PDGFD: variants seen among roughly 807,000 people sequenced by gnomAD.
PDGFD encodes the protein platelet derived growth factor D, also known as platelet-derived growth factor D.
A neutral mutation model predicts 44.7 loss-of-function variants in PDGFD; 30 were observed. The observed-to-expected ratio is 0.67, with a 90% confidence interval of 0.50 to 0.91. The LOEUF is 0.91. Ranked by LOEUF, PDGFD falls within the 40% of genes least tolerant of loss-of-function variation. The probability of loss-of-function intolerance (pLI) is 0.00; values close to 1 mark genes in which losing one functional copy is unlikely to be tolerated. For synonymous variants in PDGFD, 173 were observed against 168.4 expected (o/e 1.03, Z -0.21); for missense variants, 445 against 457.8 (o/e 0.97, Z 0.25).
chr11:103,960,611 A>C (rs1858920872), intron 3 of PDGFD, among the ~76,000 whole-genome samples: 2 of 152,030 alleles, frequency 1.3e-5, no homozygotes, highest in Non-Finnish European at 2.9e-5. Context: ...CTAATGTCCT[A>C]CTCTTGTCAT....
intron 5 of PDGFD, among the ~76,000 whole-genome samples, chr11:103,932,137 T>C: frequency 6.6e-6 from 1 of 152,188 alleles, no homozygotes; most frequent in Non-Finnish European, 1.5e-5. Context: ...TCATAGACCT[T>C]GTTTTGTTTT....
chr11:103,968,831 C>T (rs12282189), intron 3 of PDGFD, among the ~76,000 whole-genome samples: 26,890 of 152,160 alleles, frequency 0.18, 2,472 homozygotes, highest in South Asian at 0.26. Context: ...CACGTAAAAC[C>T]CTCATGATCT....
At chr11:103,943,725 G>A (rs78383143) in intron 4 of PDGFD, 75 bp from the exon 5 acceptor site, 65,173 of 1,264,732 alleles carry the variant, frequency 0.052, 1,973 homozygotes, top group Middle Eastern at 0.059. Flanking sequence ...TCAACTATAC[G>A]GAAGGAACAT....
At chr11:103,959,498 C>A (rs967026604) in intron 3 of PDGFD, among the ~76,000 whole-genome samples, 2 of 152,102 alleles carry the variant, frequency 1.3e-5, no homozygotes, top group Non-Finnish European at 1.5e-5. Context: ...AGGGGAGATT[C>A]GTATATTCTT....
chr11:103,959,251 T>C (rs1858900901), intron 3 of PDGFD, among the ~76,000 whole-genome samples: 1 of 152,210 alleles, frequency 6.6e-6, no homozygotes, highest in African/African-American at 2.4e-5. Context: ...CTGCCACCCA[T>C]CATAATTATC....
intron 5 of PDGFD, among the ~76,000 whole-genome samples, chr11:103,937,167 T>A (rs915512922): frequency 6.6e-6 from 1 of 152,206 alleles, no homozygotes; most frequent in Non-Finnish European, 1.5e-5. Context: ...AATTTTAGCA[T>A]GTGTATCTAA....
At chr11:104,142,940 G>A (rs1276838483) in intron 1 of PDGFD, among the ~76,000 whole-genome samples, 1 of 152,144 alleles carries the variant, frequency 6.6e-6, no homozygotes, top group African/African-American at 2.4e-5. Context: ...TACAGGGAAT[G>A]CTCCAGGGAA....
chr11:104,058,710 C>T (rs939072991), intron 1 of PDGFD, among the ~76,000 whole-genome samples: 1 of 152,152 alleles, frequency 6.6e-6, no homozygotes, highest in Non-Finnish European at 1.5e-5. Context: ...TCCGTAATAA[C>T]TAAAAACCAG....
chr11:104,140,243 A>C (rs898832518), intron 1 of PDGFD, among the ~76,000 whole-genome samples: 22 of 152,204 alleles, frequency 1.4e-4, no homozygotes, highest in Non-Finnish European at 2.9e-5. Flanking sequence ...CATTTTGTTG[A>C]TCAGTCATTA....
At chr11:103,947,875 T>C (rs1858687944) in intron 3 of PDGFD, 151 bp from the exon 4 acceptor site, 1 of 662,068 alleles carries the variant, frequency 1.5e-6, no homozygotes, top group Non-Finnish European at 2.8e-6. Flanking sequence ...ACCATTTGTC[T>C]TAAGCACATC....
At chr11:104,049,411 G>C (rs1860491778) in intron 1 of PDGFD, among the ~76,000 whole-genome samples, 3 of 152,234 alleles carry the variant, frequency 2.0e-5, no homozygotes, top group Admixed American at 6.5e-5. Flanking sequence ...GTGGCTGAAA[G>C]AGTAATCTAG....
chr11:103,938,022 T>C (rs558857510), intron 5 of PDGFD, among the ~76,000 whole-genome samples: 4 of 147,984 alleles, frequency 2.7e-5, no homozygotes, highest in Admixed American at 2.7e-4. Context: ...ATACATGTGC[T>C]TGTGTCTTTA....
chr11:103,957,275 A>C (rs184362920), intron 3 of PDGFD, among the ~76,000 whole-genome samples: 34 of 152,336 alleles, frequency 2.2e-4, no homozygotes, highest in Admixed American at 9.8e-4. Flanking sequence ...CAATATCGTG[A>C]AAATGGCCAT....
chr11:104,062,500 G>GT (rs946215808), intron 1 of PDGFD, among the ~76,000 whole-genome samples: 9 of 152,240 alleles, frequency 5.9e-5, no homozygotes, highest in East Asian at 1.9e-4. Context: ...TGAATTACAA[G>GT]TTTTTTTGTT....
chr11:104,011,757 T>A (rs1859790196), intron 1 of PDGFD, among the ~76,000 whole-genome samples: 1 of 152,080 alleles, frequency 6.6e-6, no homozygotes, highest in African/African-American at 2.4e-5. Context: ...AGTATCAAAA[T>A]TTTAAAAGTG....
chr11:104,112,823 A>G (rs751766666), intron 1 of PDGFD, among the ~76,000 whole-genome samples: 2 of 152,098 alleles, frequency 1.3e-5, no homozygotes, highest in South Asian at 2.1e-4. Flanking sequence ...CTAAATGATG[A>G]GAATACATGG....
intron 1 of PDGFD, among the ~76,000 whole-genome samples, chr11:104,087,113 C>T (rs1861141827): frequency 6.9e-6 from 1 of 145,818 alleles, no homozygotes; most frequent in Admixed American, 7.3e-5. Context: ...GCAACCTCTG[C>T]CTCCCAGGTT....
intron 6 of PDGFD, among the ~76,000 whole-genome samples, chr11:103,915,762 A>G (rs556682061): frequency 6.6e-6 from 1 of 152,344 alleles, no homozygotes; most frequent in South Asian, 2.1e-4. Context: ...CCAATGGAAC[A>G]GAACAGAGAC....
chr11:104,020,872 G>C (rs561550105), intron 1 of PDGFD, among the ~76,000 whole-genome samples: 14 of 152,160 alleles, frequency 9.2e-5, no homozygotes, highest in African/African-American at 3.4e-4. Flanking sequence ...TATAGTTAGT[G>C]AAAGAAACAA....
Sources: allele counts gnomAD v4.1 joint callset (sites outside exome capture counted in the v4.1 genomes callset), GRCh38; gene constraint gnomAD v4.1.1; transcripts MANE v1.5; gene names NCBI Gene and HGNC (gene_info 2026-07-23, HGNC 2026-07-21).